Variants in GRXCR2 observed in about 807,000 individuals in gnomAD.
GRXCR2 encodes glutaredoxin and cysteine rich domain containing 2.
In GRXCR2, 23 loss-of-function variants were observed where a neutral mutation model predicts 24.8. That is an observed-to-expected ratio of 0.93 (90% CI 0.67 to 1.32). The LOEUF (loss-of-function observed/expected upper bound fraction) is 1.32, where lower values mean the gene tolerates loss of function less well. Among genes scored for constraint, GRXCR2 ranks in the 40% most tolerant of loss-of-function variants. GRXCR2 has a pLI of 0.00. For synonymous variants in GRXCR2, 130 were observed against 116.1 expected (o/e 1.12, Z -0.77); for missense variants, 315 against 303.4 (o/e 1.04, Z -0.28).
intron 2 of GRXCR2, among the ~76,000 whole-genome samples, chr5:145,919,285 G>A (rs1315224863): frequency 6.6e-6 from 1 of 152,154 alleles, no homozygotes; most frequent in African/African-American, 2.4e-5. Flanking sequence ...GCATGCAGAA[G>A]AGGATCCCAA....
chr5:145,926,919 A>G (rs1332768476), intron 2 of GRXCR2, among the ~76,000 whole-genome samples: 1 of 152,130 alleles, frequency 6.6e-6, no homozygotes, highest in Non-Finnish European at 1.5e-5. Flanking sequence ...AGTGGTTTGT[A>G]GTTCTCATTG....
chr5:145,928,474 T>C (rs1757432112), intron 2 of GRXCR2, among the ~76,000 whole-genome samples: 1 of 152,098 alleles, frequency 6.6e-6, no homozygotes, highest in Non-Finnish European at 1.5e-5. Context: ...TGCGGCACTA[T>C]TCACAATAGC....
chr5:145,865,568 A>C (rs751770091), intron 2 of GRXCR2, among the ~76,000 whole-genome samples: 11 of 152,242 alleles, frequency 7.2e-5, no homozygotes, highest in African/African-American at 2.7e-4. Context: ...ATATTAGGTC[A>C]GGCAGTCACT....
intron 2 of GRXCR2, among the ~76,000 whole-genome samples, chr5:145,878,976 T>C (rs1361675269): frequency 6.6e-6 from 1 of 152,170 alleles, no homozygotes; most frequent in Non-Finnish European, 1.5e-5. Flanking sequence ...ATAAAATCTT[T>C]ACAGACAAGC....
At chr5:145,896,433 C>G (rs1040564989) in intron 2 of GRXCR2, among the ~76,000 whole-genome samples, 2 of 151,948 alleles carry the variant, frequency 1.3e-5, no homozygotes, top group East Asian at 1.9e-4. Context: ...AAAAAATGTA[C>G]AAGAAAAAAA....
intron 2 of GRXCR2, among the ~76,000 whole-genome samples, chr5:145,885,222 A>G (rs1017440218): frequency 1.4e-4 from 21 of 152,142 alleles, no homozygotes; most frequent in African/African-American, 4.8e-4. Flanking sequence ...GATCATTTGT[A>G]GAGAGCTGTA....
chr5:145,915,288 T>C (rs1473894648), intron 2 of GRXCR2, among the ~76,000 whole-genome samples: 1 of 152,208 alleles, frequency 6.6e-6, no homozygotes, highest in Non-Finnish European at 1.5e-5. Context: ...TTGGGTAGTG[T>C]TAATCAGTCT....
intron 2 of GRXCR2, among the ~76,000 whole-genome samples, chr5:145,892,111 T>A (rs1279423450): frequency 1.3e-5 from 2 of 151,990 alleles, no homozygotes; most frequent in African/African-American, 4.8e-5. Context: ...AGAAAGGACA[T>A]CCACACCAAA....
At chr5:145,860,176 C>T (rs766507401) in intron 2 of GRXCR2, among the ~76,000 whole-genome samples, 95 of 152,318 alleles carry the variant, frequency 6.2e-4, no homozygotes, top group Non-Finnish European at 1.1e-3. Flanking sequence ...CTTCATTGCC[C>T]TTGTCACTAT....
Position 145,872,839 on chromosome 5 carries a change from ACT to A in GRXCR2, c.128_129del (p.Glu43ValfsTer16), listed in dbSNP as rs1561678423. 2 of 1,614,016 alleles carry A rather than the reference ACT, an allele frequency of 1.2e-6. No individual in the cohort carries two copies. The highest frequency in any genetic ancestry group is 1.1e-5 in the South Asian group (1 of 91,068). On this transcript the variant is annotated frameshift_variant, in exon 1 of 3. Transcript: ENST00000377976. LOFTEE classifies it high-confidence loss of function. ...CTGTGAGGGTATTCCTCCTTTGGTG[ACT>A]CTAATTCCTGCCCATCCTCAAAGAC... Reference protein sequence around the residue: ...KQVFEDGQELESPKEEYPHSF... With the variant: ...KQVFEDGQELXSPKEEYPHSF...
chr5:145,868,106 G>A (rs79319870), intron 1 of GRXCR2, among the ~76,000 whole-genome samples: 2,175 of 152,048 alleles, frequency 0.014, 55 homozygotes, highest in African/African-American at 0.05. Flanking sequence ...GGGGTGGGAG[G>A]TACCACGAAA....
intron 2 of GRXCR2, among the ~76,000 whole-genome samples, chr5:145,883,387 G>T (rs1374687632): frequency 3.3e-5 from 5 of 152,042 alleles, no homozygotes; most frequent in Non-Finnish European, 7.4e-5. Flanking sequence ...TAAAACTTAT[G>T]CAATTGGTGG....
intron 2 of GRXCR2, among the ~76,000 whole-genome samples, chr5:145,926,955 G>A (rs1171246696): frequency 6.6e-6 from 1 of 152,144 alleles, no homozygotes; most frequent in Non-Finnish European, 1.5e-5. Context: ...TCCCTTGTAA[G>A]TTGGATTCCT....
In GRXCR2 at chr5:145,891,519, C is replaced by T. The variant is rs968258151; in HGVS notation, c.-69-24791G>A. On this transcript the variant is annotated intron_variant, in intron 2 of 3. Transcript: ENST00000639411. ...CCTGGCTCGGAGGGTCCTACGCCCACGGAGCCTTGCTCACTGCTAGCACAG... is the reference window on the plus strand; with the variant it reads ...CCTGGCTCGGAGGGTCCTACGCCCATGGAGCCTTGCTCACTGCTAGCACAG... Among the ~76,000 whole-genome samples the T allele has an allele frequency of 3.3e-5, 5 of 152,192 alleles. No individual in the cohort carries two copies. In the South Asian group the frequency reaches 6.2e-4, roughly 19 times the overall value.
At chr5:145,917,526 A>T (rs908572541) in intron 2 of GRXCR2, among the ~76,000 whole-genome samples, 3 of 152,174 alleles carry the variant, frequency 2.0e-5, no homozygotes, top group African/African-American at 7.2e-5. Flanking sequence ...TCCTGTGCTC[A>T]GTGCTGGACA....
chr5:145,893,239 A>G (rs1205800020), intron 2 of GRXCR2, among the ~76,000 whole-genome samples: 1 of 152,200 alleles, frequency 6.6e-6, no homozygotes, highest in African/African-American at 2.4e-5. Context: ...AGGCAAAATA[A>G]CCAGCTAACA....
intron 2 of GRXCR2, among the ~76,000 whole-genome samples, chr5:145,925,086 G>A (rs763065426): frequency 2.0e-4 from 31 of 152,250 alleles, no homozygotes; most frequent in Non-Finnish European, 3.2e-4. Context: ...TCTTCTCAGT[G>A]TGTGCTCACA....
At chr5:145,921,744 C>T (rs1300535707) in intron 2 of GRXCR2, among the ~76,000 whole-genome samples, 1 of 152,200 alleles carries the variant, frequency 6.6e-6, no homozygotes, top group Non-Finnish European at 1.5e-5. Context: ...CCTTCCAAAT[C>T]AATAGCTTAA....
At chr5:145,931,344 C>A (rs867781527) in intron 2 of GRXCR2, among the ~76,000 whole-genome samples, 1 of 152,158 alleles carries the variant, frequency 6.6e-6, no homozygotes, top group Non-Finnish European at 1.5e-5. Flanking sequence ...AAACCATGCT[C>A]TTGACTGCTG....
Sources: gnomAD v4.1 joint callset for allele counts (sites outside exome capture counted in the v4.1 genomes callset) on GRCh38, gnomAD v4.1.1 for gene constraint, MANE v1.5 for transcripts, NCBI Gene and HGNC (gene_info 2026-07-23, HGNC 2026-07-21) for gene names.